Variants in CUL5 observed in about 807,000 individuals in gnomAD.
CUL5 encodes cullin-5.
CUL5 carries 26 observed loss-of-function variants against 108.8 expected under a neutral mutation model. The ratio of observed to expected loss-of-function variants is 0.24; its 90% CI spans 0.18 to 0.33. CUL5 has a LOEUF of 0.33. Ranked by LOEUF, CUL5 falls within the 10% of genes least tolerant of loss-of-function variation. The pLI is 1.00. For missense variants in CUL5, 524 were observed against 909.2 expected (o/e 0.58, Z 5.45); for synonymous variants, 334 against 298.0 (o/e 1.12, Z -1.25).
intron 7 of CUL5, among the ~76,000 whole-genome samples, chr11:108,058,242 T>G (rs915520917): frequency 1.2e-3 from 134 of 107,708 alleles, no homozygotes; most frequent in East Asian, 3.6e-3. Context: ...TTATGAAGAG[T>G]GCCTTTTTTT....
At chr11:108,013,274 C>A (rs1315386474) in intron 1 of CUL5, among the ~76,000 whole-genome samples, 1 of 152,142 alleles carries the variant, frequency 6.6e-6, no homozygotes, top group Non-Finnish European at 1.5e-5. Context: ...TTATCTTCAG[C>A]CCTTTTCTAT....
At chr11:108,012,581 A>G (rs928531330) in intron 1 of CUL5, among the ~76,000 whole-genome samples, 2 of 138,336 alleles carry the variant, frequency 1.4e-5, no homozygotes, top group Non-Finnish European at 3.1e-5. Flanking sequence ...GAAAGTTCAT[A>G]TGTCGCGTCA....
intron 1 of CUL5, among the ~76,000 whole-genome samples, chr11:108,023,294 G>A (rs569938085): frequency 2.0e-5 from 3 of 152,144 alleles, no homozygotes; most frequent in Admixed American, 6.5e-5. Context: ...CCACTCTGTG[G>A]GCTGCCTTTT....
intron 1 of CUL5, among the ~76,000 whole-genome samples, chr11:108,022,684 C>CTCCTTGGT (rs1862355456): frequency 6.6e-6 from 1 of 152,174 alleles, no homozygotes; most frequent in Admixed American, 6.5e-5. Context: ...TCCACCCTCC[C>CTCCTTGGT]TCCTTGGTCT....
In CUL5 at chr11:108,050,080, T is replaced by A; in HGVS notation, c.411+14T>A. Reference sequence around the variant, plus strand: ...ATTGTTCGAAAGGTAAGACTATTTTTCTCCTTGTTTTCCTAATATTCTTCA... The same window carrying A: ...ATTGTTCGAAAGGTAAGACTATTTTACTCCTTGTTTTCCTAATATTCTTCA... On this transcript the variant is annotated intron_variant, in intron 4 of 18. Coordinates refer to ENST00000393094, the MANE Select transcript of CUL5 (RefSeq NM_003478.6). 4 of 1,564,138 alleles carry A rather than the reference T, an allele frequency of 2.6e-6. No individual in the cohort carries two copies. The highest frequency in any genetic ancestry group is 1.7e-6 in the Non-Finnish European group (2 of 1,155,674).
At chr11:108,077,753 T>C (rs1200937732) in intron 10 of CUL5, among the ~76,000 whole-genome samples, 1 of 152,142 alleles carries the variant, frequency 6.6e-6, no homozygotes, top group Non-Finnish European at 1.5e-5. Flanking sequence ...GAGACCAGCC[T>C]GGCCAACATG....
intron 1 of CUL5, among the ~76,000 whole-genome samples, chr11:108,020,535 A>ATTTT (rs34112083): frequency 6.7e-6 from 1 of 148,188 alleles, no homozygotes. Context: ...TGTGTTTGTG[A>ATTTT]TTTTTTTTTT....
intron 1 of CUL5, among the ~76,000 whole-genome samples, chr11:108,028,772 C>T (rs985723582): frequency 1.3e-5 from 2 of 151,986 alleles, no homozygotes; most frequent in East Asian, 1.9e-4. Flanking sequence ...TGCAGTGAGC[C>T]GAGATCGCCC....
At chr11:108,063,011 A>G (rs1863580050) in intron 7 of CUL5, among the ~76,000 whole-genome samples, 1 of 151,948 alleles carries the variant, frequency 6.6e-6, no homozygotes, top group South Asian at 2.1e-4. Flanking sequence ...ACGCCCGGCT[A>G]ATTTTGTATT....
chr11:108,044,911 A>T (rs2135117221), intron 2 of CUL5, among the ~76,000 whole-genome samples: 1 of 151,904 alleles, frequency 6.6e-6, no homozygotes, highest in South Asian at 2.1e-4. Context: ...ACAGGTGCAC[A>T]CCACCACGCC....
intron 11 of CUL5, among the ~76,000 whole-genome samples, chr11:108,080,781 T>C (rs1201424400): frequency 6.6e-6 from 1 of 152,182 alleles, no homozygotes; most frequent in Non-Finnish European, 1.5e-5. Flanking sequence ...CCGTATCAGA[T>C]AGATGATGTG....
chr11:108,043,480 A>G (rs1305146914), intron 2 of CUL5, among the ~76,000 whole-genome samples: 1 of 152,194 alleles, frequency 6.6e-6, no homozygotes, highest in African/African-American at 2.4e-5. Context: ...GTATTGGGAA[A>G]CCATTAGAGG....
At chr11:108,095,777 C>A (rs1864475262) in intron 16 of CUL5, 86 bp downstream of exon 16, 1 of 1,195,316 alleles carries the variant, frequency 8.4e-7, no homozygotes, top group Non-Finnish European at 1.2e-6. Context: ...TTAGTAAATT[C>A]ATAACAGTTT....
Position 108,013,511 on chromosome 11 carries a change from G to A in CUL5, c.24+4139G>A, listed in dbSNP as rs188073460. 5.3e-5 allele frequency among the ~76,000 whole-genome samples: 8 copies of A among 152,008 alleles called. No homozygotes were observed. The East Asian group carries it at 1.4e-3, about 26-fold the overall frequency. ...GTCTCTCTCTCTCATACATGTGTGC[G>A]TACACACTCCTACTTAGCTGGTTAC... On this transcript the variant is annotated intron_variant, in intron 1 of 18. Transcript: ENST00000393094.
intron 12 of CUL5, among the ~76,000 whole-genome samples, 182 bp downstream of exon 12, chr11:108,088,841 C>T (rs1250229335): frequency 6.6e-6 from 1 of 151,878 alleles, no homozygotes; most frequent in African/African-American, 2.4e-5. Flanking sequence ...AATTTTTATT[C>T]TACAGCTTCT....
chr11:108,103,201 A>G (rs1864713446), intron 18 of CUL5, among the ~76,000 whole-genome samples: 1 of 152,244 alleles, frequency 6.6e-6, no homozygotes, highest in Non-Finnish European at 1.5e-5. Context: ...ACTTAACAGT[A>G]ATTAAGGAAA....
chr11:108,011,735 C>G (rs914779486), intron 1 of CUL5, among the ~76,000 whole-genome samples: 2 of 151,980 alleles, frequency 1.3e-5, no homozygotes, highest in African/African-American at 4.8e-5. Flanking sequence ...TCAAGCGATT[C>G]TTCTGCCTCA....
chr11:108,025,278 T>G (rs1862426780), intron 1 of CUL5, among the ~76,000 whole-genome samples: 1 of 152,198 alleles, frequency 6.6e-6, no homozygotes, highest in Non-Finnish European at 1.5e-5. Flanking sequence ...TCAGCTTCTT[T>G]TGGTGATTTT....
In CUL5 at chr11:108,105,836, A is replaced by G. The variant is rs1424634236; in HGVS notation, c.*1452A>G. 1 of 152,156 alleles carries G rather than the reference A, an allele frequency of 6.6e-6. No individual in the cohort carries two copies. Among genetic ancestry groups the G allele is most frequent in the Non-Finnish European group, 1.5e-5 (1 of 68,010 alleles). The allele number at this position is 152,156 out of a possible 1,614,324, so 9.4% of individuals were successfully genotyped here. ...AAGTATGGTTTTTGAAGATAGTAGG[A>G]AATGGAGTACAGAAAGGCATACAGT... On this transcript the variant is annotated 3_prime_UTR_variant, in exon 19 of 19. Coordinates refer to ENST00000393094, the MANE Select transcript of CUL5 (RefSeq NM_003478.6).
Sources: gnomAD v4.1 joint callset for allele counts (sites outside exome capture counted in the v4.1 genomes callset) on GRCh38, gnomAD v4.1.1 for gene constraint, MANE v1.5 for transcripts, NCBI Gene and HGNC (gene_info 2026-07-23, HGNC 2026-07-21) for gene names.